Variants in PCDH11X observed in about 807,000 individuals in gnomAD.
PCDH11X encodes protocadherin-11 X-linked.
Under a neutral mutation model 53.3 loss-of-function variants are expected in PCDH11X, and 18 were observed. That is an observed-to-expected ratio of 0.34 (90% confidence interval 0.23 to 0.50). The LOEUF is 0.50. Among genes scored for constraint, PCDH11X ranks in the 20% least tolerant of loss-of-function variants. PCDH11X has a pLI of 0.98. For missense variants in PCDH11X, 570 were observed against 1,032.4 expected (o/e 0.55, Z 6.14); for synonymous variants, 279 against 393.3 (o/e 0.71, Z 3.44).
Position 92,018,941 on chromosome X carries a change from AT to A in PCDH11X, c.3033+139677del, listed in dbSNP as rs201175799. Among the ~76,000 whole-genome samples, 761 of 111,435 alleles carry A rather than the reference AT, an allele frequency of 6.8e-3. 13 individuals are homozygous for A. In the East Asian group the frequency reaches 0.089, roughly 13 times the overall value. On this transcript the variant is annotated intron_variant, in intron 6 of 10. Coordinates refer to ENST00000682573, the MANE Select transcript of PCDH11X (RefSeq NM_032968.5). The stretch of plus-strand genomic sequence containing the variant: ...CATACAATCTTTCCAGGAGCTACAC[AT>A]TTTTTTTTAACATTTTTAAGTGTTG...
chrX:92,444,488 G>A (rs1377802319), intron 9 of PCDH11X, among the ~76,000 whole-genome samples: 1 of 105,444 alleles, frequency 9.5e-6, no homozygotes, highest in African/African-American at 3.5e-5. Context: ...AACAGTGGTA[G>A]TTTGACTCTT....
intron 8 of PCDH11X, among the ~76,000 whole-genome samples, chrX:92,286,023 T>A (rs917767873): frequency 7.2e-4 from 81 of 112,395 alleles, no homozygotes; most frequent in Non-Finnish European, 1.3e-3. Flanking sequence ...CACCTTTAAG[T>A]GGTTTTCCGC....
At chrX:92,157,125 C>T (rs1383698926) in intron 6 of PCDH11X, among the ~76,000 whole-genome samples, 3 of 111,636 alleles carry the variant, frequency 2.7e-5, no homozygotes, top group Non-Finnish European at 3.8e-5. Flanking sequence ...ACCTAAAATT[C>T]GGCAAAGAAA....
chrX:92,225,490 C>T (rs1338670374), intron 7 of PCDH11X, among the ~76,000 whole-genome samples: 1 of 111,090 alleles, frequency 9.0e-6, no homozygotes, highest in Non-Finnish European at 1.9e-5. Flanking sequence ...TTTTCAACCA[C>T]CAATTATAAA....
intron 10 of PCDH11X, among the ~76,000 whole-genome samples, chrX:92,580,791 T>C (rs1348522349): frequency 3.6e-5 from 4 of 111,595 alleles, no homozygotes; most frequent in Non-Finnish European, 5.6e-5. Context: ...GCGGGTTGCA[T>C]AGATCCATGG....
At chrX:91,988,438 CT>C (rs1437184053) in intron 6 of PCDH11X, among the ~76,000 whole-genome samples, 9 of 112,180 alleles carry the variant, frequency 8.0e-5, no homozygotes, top group Non-Finnish European at 1.7e-4. Flanking sequence ...TTGTCTTAAT[CT>C]TTTTTTCCCC....
chrX:91,991,433 A>G (rs2062323159), intron 6 of PCDH11X, among the ~76,000 whole-genome samples: 1 of 90,299 alleles, frequency 1.1e-5, no homozygotes, highest in South Asian at 5.8e-4. Flanking sequence ...ATAAGGCAAA[A>G]AGAAAACCCA....
intron 1 of PCDH11X, among the ~76,000 whole-genome samples, chrX:91,782,897 CT>C (rs994064997): frequency 9.9e-5 from 11 of 111,391 alleles, no homozygotes; most frequent in Non-Finnish European, 1.7e-4. Flanking sequence ...CCTTCTTTAG[CT>C]TTGGTAGAAG....
intron 8 of PCDH11X, among the ~76,000 whole-genome samples, chrX:92,278,553 A>AG (rs1432487701): frequency 5.5e-5 from 6 of 109,148 alleles, no homozygotes; most frequent in African/African-American, 2.0e-4. Flanking sequence ...TCTGGTGGGC[A>AG]GGGGCGGGGG....
chrX:91,791,591 C>T (rs1935538976), intron 1 of PCDH11X, among the ~76,000 whole-genome samples: 1 of 109,567 alleles, frequency 9.1e-6, no homozygotes, highest in Admixed American at 9.8e-5. Context: ...TGGGTAGGGA[C>T]CCGAATCCAA....
intron 6 of PCDH11X, among the ~76,000 whole-genome samples, chrX:92,013,352 A>T (rs998424605): frequency 1.8e-5 from 2 of 111,652 alleles, no homozygotes; most frequent in Admixed American, 1.9e-4. Context: ...TTCGAAGAGA[A>T]CTACAAACCA....
chrX:91,832,920 G>A lies in PCDH11X; in HGVS notation c.-44-2541G>A, dbSNP rs1448432237. On this transcript the variant is annotated intron_variant, in intron 4 of 10. Transcript: ENST00000682573. Reference sequence around the variant, plus strand: ...TTTATGTAAGTAAACCTGTGTCATGGGGGTTTGTTGTACAGATTATTTCGT... The same window carrying A: ...TTTATGTAAGTAAACCTGTGTCATGAGGGTTTGTTGTACAGATTATTTCGT... Among the ~76,000 whole-genome samples the A allele has an allele frequency of 6.8e-5, 7 of 102,317 alleles. No individual in the cohort carries two copies. The East Asian group carries it at 1.6e-3, about 23-fold the overall frequency. 88.9% of individuals were successfully genotyped at this position (102,317 alleles called of 115,157 possible). A position where few individuals can be genotyped will look rare whatever the true frequency, so the allele number is the denominator to read the frequency against.
At chrX:92,465,286 A>G (rs1428910484) in intron 9 of PCDH11X, among the ~76,000 whole-genome samples, 5 of 111,152 alleles carry the variant, frequency 4.5e-5, no homozygotes, top group Non-Finnish European at 7.5e-5. Flanking sequence ...AGATATATGC[A>G]TATGCATAGT....
At chrX:92,087,778 A>G (rs914817088) in intron 6 of PCDH11X, among the ~76,000 whole-genome samples, 3 of 110,266 alleles carry the variant, frequency 2.7e-5, no homozygotes, top group African/African-American at 9.9e-5. Flanking sequence ...TAAAAATGGA[A>G]TTCATTTTAT....
intron 6 of PCDH11X, among the ~76,000 whole-genome samples, chrX:91,902,948 A>G (rs1941008741): frequency 9.0e-6 from 1 of 111,045 alleles, no homozygotes; most frequent in Admixed American, 9.7e-5. Flanking sequence ...AAAATGTACT[A>G]CATGCAAGGT....
At chrX:91,797,201 T>C (rs751814710) in intron 1 of PCDH11X, among the ~76,000 whole-genome samples, 10 of 110,856 alleles carry the variant, frequency 9.0e-5, no homozygotes, top group Non-Finnish European at 1.7e-4. Flanking sequence ...CCTATAAAAT[T>C]GCCTGTCGTT....
chrX:92,184,636 C>T (rs2066058677), intron 6 of PCDH11X, among the ~76,000 whole-genome samples: 1 of 111,694 alleles, frequency 9.0e-6, no homozygotes, highest in Non-Finnish European at 1.9e-5. Flanking sequence ...AAAACAGATA[C>T]ATAAACCAAG....
At chrX:91,936,566 A>G (rs2061447251) in intron 6 of PCDH11X, among the ~76,000 whole-genome samples, 1 of 106,738 alleles carries the variant, frequency 9.4e-6, no homozygotes, top group African/African-American at 3.4e-5. Context: ...TATATATTAT[A>G]TAATATAGTA....
chrX:92,508,052 T>C (rs1335899634), intron 10 of PCDH11X, among the ~76,000 whole-genome samples: 1 of 110,243 alleles, frequency 9.1e-6, no homozygotes, highest in African/African-American at 3.3e-5. Flanking sequence ...TGGCCTCAAG[T>C]GATCTGCCGA....
Sources: allele counts gnomAD v4.1 joint callset (sites outside exome capture counted in the v4.1 genomes callset), GRCh38; gene constraint gnomAD v4.1.1; transcripts MANE v1.5; gene names NCBI Gene and HGNC (gene_info 2026-07-23, HGNC 2026-07-21).